Variants in CACNA1C observed in about 807,000 individuals in gnomAD.
CACNA1C encodes calcium voltage-gated channel subunit alpha1 C.
A neutral mutation model predicts 229.0 loss-of-function variants in CACNA1C; 30 were observed. The ratio of observed to expected loss-of-function variants is 0.13; its 90% CI spans 0.10 to 0.18. CACNA1C has a LOEUF of 0.18. Among genes scored for constraint, CACNA1C ranks in the 10% least tolerant of loss-of-function variants. The pLI, the probability that CACNA1C is intolerant of heterozygous loss-of-function variation, is 1.00. For synonymous variants in CACNA1C, 1,114 were observed against 1,132.5 expected (o/e 0.98, Z 0.33); for missense variants, 1,658 against 2,845.0 (o/e 0.58, Z 9.49).
intron 1 of CACNA1C, among the ~76,000 whole-genome samples, chr12:2,114,726 CATT>C (rs1027318645): frequency 2.0e-5 from 3 of 152,188 alleles, no homozygotes; most frequent in East Asian, 1.9e-4. Flanking sequence ...CGTTTTCCAT[CATT>C]GATTCATGCA....
At chr12:2,469,928 T>C (rs754361685) in intron 5 of CACNA1C, among the ~76,000 whole-genome samples, 1 of 152,226 alleles carries the variant, frequency 6.6e-6, no homozygotes, top group Non-Finnish European at 1.5e-5. Flanking sequence ...AGATGTAAAC[T>C]ATATTAATTA....
intron 3 of CACNA1C, among the ~76,000 whole-genome samples, chr12:2,437,783 GTGA>G (rs979678557): frequency 1.2e-4 from 18 of 150,824 alleles, no homozygotes; most frequent in Non-Finnish European, 2.1e-4. Context: ...GGTAGAGGTG[GTGA>G]TGGTGGTGGT....
chr12:2,397,987 C>G (rs888620129), intron 3 of CACNA1C, among the ~76,000 whole-genome samples: 3 of 152,218 alleles, frequency 2.0e-5, no homozygotes, highest in African/African-American at 7.2e-5. Flanking sequence ...CTGCCTAGCC[C>G]CTGGGCCTGT....
chr12:2,392,246 A>G (rs2098496342), intron 3 of CACNA1C, among the ~76,000 whole-genome samples: 4 of 152,248 alleles, frequency 2.6e-5, no homozygotes, highest in South Asian at 4.1e-4. Flanking sequence ...AATTATTTCT[A>G]CTGAGCCATC....
At chr12:2,543,958 A>G (rs1178209609) in intron 9 of CACNA1C, among the ~76,000 whole-genome samples, 1 of 152,154 alleles carries the variant, frequency 6.6e-6, no homozygotes, top group Non-Finnish European at 1.5e-5. Context: ...CAGCCACCAC[A>G]CAGATAGAAA....
intron 3 of CACNA1C, among the ~76,000 whole-genome samples, chr12:2,139,895 A>G (rs1379914372): frequency 6.6e-6 from 1 of 151,118 alleles, no homozygotes; most frequent in Non-Finnish European, 1.5e-5. Context: ...TGGATCCCTA[A>G]GCACCGAGGC....
At chr12:2,560,774 G>C (rs1433811983) in intron 11 of CACNA1C, among the ~76,000 whole-genome samples, 2 of 143,440 alleles carry the variant, frequency 1.4e-5, no homozygotes, top group Non-Finnish European at 3.0e-5. Context: ...ATCTCTAATA[G>C]TCCTTTGTAA....
chr12:2,495,707 G>A (rs1228521965), intron 7 of CACNA1C, among the ~76,000 whole-genome samples: 1 of 152,196 alleles, frequency 6.6e-6, no homozygotes, highest in Non-Finnish European at 1.5e-5. Context: ...AGTGTCAGAG[G>A]TGAAGAAACA....
At chr12:2,589,521 G>A (rs2064153674) in intron 18 of CACNA1C, among the ~76,000 whole-genome samples, 1 of 152,262 alleles carries the variant, frequency 6.6e-6, no homozygotes, top group African/African-American at 2.4e-5. Flanking sequence ...GCCTGCAGCA[G>A]AGAGAACCAA....
Position 2,457,599 on chromosome 12 carries a change from A to G in CACNA1C, c.650A>G (p.Lys217Arg). 2 of 1,612,716 alleles carry G rather than the reference A, an allele frequency of 1.2e-6. No individual in the cohort carries two copies. The highest frequency in any genetic ancestry group is 1.7e-6 in the Non-Finnish European group (2 of 1,179,244). ...LFSAILEQAT[K>R]ADGANALGGK... ...AGTGCAATTTTAGAACAAGCAACCA[A>G]AGCAGATGGGGCAAACGCTCTCGGA... Residue 217 changes from lysine (K) to arginine (R), a missense_variant, in exon 5 of 47, where the codon AAA becomes AGA. By Grantham distance (26) the Lys-to-Arg change is conservative. Transcript: ENST00000399655.
At chr12:2,345,877 C>G (rs567973624) in intron 3 of CACNA1C, among the ~76,000 whole-genome samples, 1 of 152,290 alleles carries the variant, frequency 6.6e-6, no homozygotes, top group East Asian at 1.9e-4. Flanking sequence ...CTTTTCCGCT[C>G]TTCCTTGGGC....
In CACNA1C at chr12:2,607,116, C is replaced by T. The variant is rs1238999546; in HGVS notation, c.3342C>T (p.Phe1114=). Residue 1114 remains phenylalanine (F), a synonymous_variant, in exon 26 of 47, where the codon TTC becomes TTT. Transcript: ENST00000399655. ...TGGCCCTCTTCACCGTCTCCACCTT[C>T]GAAGGGTGGCCAGAGTGAGTATGCA... ...AMMALFTVST[F]EGWPELLYRS... 16 of 1,612,724 alleles carry T rather than the reference C, an allele frequency of 9.9e-6. No individual in the cohort carries two copies. Among genetic ancestry groups the T allele is most frequent in the Admixed American group, 3.3e-5 (2 of 59,866 alleles).
At chr12:2,301,607 G>C (rs2370416) in intron 3 of CACNA1C, among the ~76,000 whole-genome samples, 1,574 of 152,292 alleles carry the variant, frequency 0.01, 23 homozygotes, top group African/African-American at 0.036. Context: ...CCTCTTTAGA[G>C]CCCTATGTGG....
At position 2,688,739 on chromosome 12, in the gene CACNA1C, G is replaced by A; in HGVS notation, c.6077G>A (p.Gly2026Glu). The change falls in exon 46 of 47, where the codon GGG becomes GAG. Residue 2026 changes from glycine (G) to glutamate (E), a missense_variant. Around this residue, in one of 20 missense-constraint regions of CACNA1C, gnomAD observed 590 missense variants for 700.8 expected, o/e 0.84. Coordinates refer to ENST00000399655, the MANE Select transcript of CACNA1C (RefSeq NM_000719.7). ...LMVPSQAGAP[G>E]RQFHGSASSL... ...GTGCCCAGCCAGGCTGGGGCCCCAG[G>A]GAGGCAGTTCCACGGCAGTGCCAGC... is the stretch of plus-strand genomic sequence containing the variant. The A allele has an allele frequency of 6.3e-7, 1 of 1,592,358 alleles. No homozygotes were observed. Among genetic ancestry groups the A allele is most frequent in the Non-Finnish European group, 8.6e-7 (1 of 1,168,790 alleles).
intron 1 of CACNA1C, among the ~76,000 whole-genome samples, chr12:2,015,040 T>C (rs1228591216): frequency 2.0e-5 from 3 of 152,192 alleles, no homozygotes; most frequent in Non-Finnish European, 4.4e-5. Flanking sequence ...TTCTCCTTCT[T>C]GGAGTTTCCT....
rs955929020 is a variant in CACNA1C, at chr12:2,578,541, C to T, written c.1896-3049C>T. ...CAGCTTGGACATCAGCTGCCCGGAG[C>T]GGGGGTCCAGGCAGTGAGGATGAGG... On this transcript the variant is annotated intron_variant, in intron 13 of 46. Coordinates refer to ENST00000399655, the MANE Select transcript of CACNA1C (RefSeq NM_000719.7). Among the ~76,000 whole-genome samples the T allele has an allele frequency of 3.3e-5, 5 of 152,138 alleles. No individual in the cohort carries two copies. The East Asian group carries it at 7.7e-4, about 24-fold the overall frequency.
chr12:2,464,565 C>T (rs1324233557), intron 5 of CACNA1C, among the ~76,000 whole-genome samples: 1 of 152,192 alleles, frequency 6.6e-6, no homozygotes, highest in African/African-American at 2.4e-5. Context: ...CCCAGACTTC[C>T]CTTTAATCCT....
intron 1 of CACNA1C, among the ~76,000 whole-genome samples, chr12:2,038,171 T>C (rs773442922): frequency 6.6e-6 from 1 of 152,210 alleles, no homozygotes; most frequent in Non-Finnish European, 1.5e-5. Context: ...ATAATTCCTA[T>C]GAAGCTGTTA....
chr12:2,232,935 C>A (rs2065899283), intron 3 of CACNA1C, among the ~76,000 whole-genome samples: 1 of 152,150 alleles, frequency 6.6e-6, no homozygotes, highest in African/African-American at 2.4e-5. Context: ...ATACCCCCAA[C>A]CTTTCTCAAG....
Sources: allele counts gnomAD v4.1 joint callset (sites outside exome capture counted in the v4.1 genomes callset), GRCh38; gene constraint gnomAD v4.1.1; regional missense constraint gnomAD v4.1.1; transcripts MANE v1.5; gene names NCBI Gene and HGNC (gene_info 2026-07-23, HGNC 2026-07-21).